The following DGKB variants were observed in gnomAD, a reference collection of about 807,000 sequenced individuals.
DGKB encodes 90 kDa diacylglycerol kinase.
DGKB carries 67 observed loss-of-function variants against 114.3 expected under a neutral mutation model. The ratio of observed to expected loss-of-function variants is 0.59; its 90% CI spans 0.48 to 0.72. The LOEUF is 0.72. DGKB is among the 30% of genes least tolerant of loss of function. The pLI, the probability that DGKB is intolerant of heterozygous loss-of-function variation, is 0.00. For synonymous variants in DGKB, 398 were observed against 323.1 expected, an observed-to-expected ratio of 1.23 and a Z score of -2.49; for missense variants, 907 against 975.2, an observed-to-expected ratio of 0.93 and a Z score of 0.93.
At chr7:14,581,437 T>A (rs1799917364) in intron 18 of DGKB, among the ~76,000 whole-genome samples, 2 of 152,224 alleles carry the variant, frequency 1.3e-5, no homozygotes, top group South Asian at 4.1e-4. Context: ...AACAATGTCC[T>A]TGACTTTTTC....
intron 2 of DGKB, among the ~76,000 whole-genome samples, chr7:14,840,058 T>C (rs1847709853): frequency 6.6e-6 from 1 of 152,184 alleles, no homozygotes; most frequent in Non-Finnish European, 1.5e-5. Context: ...ATCACATCTA[T>C]CTTCATGTTC....
At chr7:14,392,150 C>G (rs1489953357) in intron 21 of DGKB, among the ~76,000 whole-genome samples, 2 of 152,158 alleles carry the variant, frequency 1.3e-5, no homozygotes, top group Non-Finnish European at 2.9e-5. Flanking sequence ...TTCTTACCAA[C>G]TGACTTGGAG....
At chr7:14,662,411 A>C (rs1489292630) in intron 13 of DGKB, among the ~76,000 whole-genome samples, 1 of 151,950 alleles carries the variant, frequency 6.6e-6, no homozygotes, top group East Asian at 1.9e-4. Flanking sequence ...ATAGTACAGA[A>C]AGAATTAAAC....
chr7:14,244,956 C>T (rs960020418), intron 23 of DGKB, among the ~76,000 whole-genome samples: 1 of 152,102 alleles, frequency 6.6e-6, no homozygotes, highest in Non-Finnish European at 1.5e-5. Context: ...TAGACTAAGA[C>T]AGTAATGAAG....
At chr7:14,766,399 T>C (rs1292613375) in intron 2 of DGKB, among the ~76,000 whole-genome samples, 1 of 151,810 alleles carries the variant, frequency 6.6e-6, no homozygotes, top group Non-Finnish European at 1.5e-5. Flanking sequence ...ATTTCCTTAT[T>C]GATTGGATAT....
chr7:14,892,916 G>A (rs1014176346), intron 1 of DGKB, among the ~76,000 whole-genome samples: 8 of 147,796 alleles, frequency 5.4e-5, no homozygotes, highest in South Asian at 4.3e-4. Flanking sequence ...ATATATGTAC[G>A]CATATACATA....
intron 21 of DGKB, among the ~76,000 whole-genome samples, chr7:14,352,615 T>C (rs927064815): frequency 2.0e-5 from 3 of 152,154 alleles, no homozygotes; most frequent in Non-Finnish European, 4.4e-5. Context: ...ATGTTAAGAA[T>C]TGAATACATT....
chr7:14,420,569 A>G (rs1826496902), intron 21 of DGKB, among the ~76,000 whole-genome samples: 1 of 152,068 alleles, frequency 6.6e-6, no homozygotes, highest in South Asian at 2.1e-4. Context: ...ATAAATCATC[A>G]GAGTAGACTT....
chr7:14,899,500 G>A (rs1322913867), intron 1 of DGKB, among the ~76,000 whole-genome samples: 4 of 152,136 alleles, frequency 2.6e-5, no homozygotes, highest in Non-Finnish European at 5.9e-5. Context: ...TCAGGACAAA[G>A]AGTGTGGACA....
chr7:14,215,094 A>G (rs1305140528), intron 23 of DGKB, among the ~76,000 whole-genome samples: 4 of 152,190 alleles, frequency 2.6e-5, no homozygotes, highest in Non-Finnish European at 4.4e-5. Context: ...AAAAGCATGA[A>G]CGCAATGATT....
chr7:14,694,044 C>G (rs1478241172), intron 9 of DGKB, 31 bp downstream of exon 9: 1 of 1,557,876 alleles, frequency 6.4e-7, no homozygotes, highest in Non-Finnish European at 8.7e-7. Flanking sequence ...TGACTCACCA[C>G]CAGGCCACCC....
intron 21 of DGKB, among the ~76,000 whole-genome samples, chr7:14,449,022 T>C (rs147899832): frequency 0.011 from 1,708 of 152,186 alleles, 15 homozygotes; most frequent in Non-Finnish European, 0.018. Context: ...GATACAAGTG[T>C]CCTTAGGAAC....
intron 21 of DGKB, among the ~76,000 whole-genome samples, chr7:14,415,427 C>T (rs1352601976): frequency 2.6e-5 from 4 of 151,668 alleles, no homozygotes; most frequent in African/African-American, 4.8e-5. Flanking sequence ...CCACTCCCCC[C>T]ACCCCACAAC....
intron 2 of DGKB, among the ~76,000 whole-genome samples, chr7:14,815,929 A>C (rs1438760878): frequency 6.6e-6 from 1 of 152,192 alleles, no homozygotes; most frequent in East Asian, 1.9e-4. Context: ...TGAAGGAAGA[A>C]TATGCAGCTT....
intron 23 of DGKB, among the ~76,000 whole-genome samples, chr7:14,306,841 C>T (rs560870345): frequency 2.6e-5 from 4 of 152,136 alleles, no homozygotes; most frequent in Non-Finnish European, 4.4e-5. Context: ...TTTCATGCTA[C>T]GATGCTTTTG....
At chr7:14,197,275 T>C (rs996503570) in intron 23 of DGKB, among the ~76,000 whole-genome samples, 1 of 152,108 alleles carries the variant, frequency 6.6e-6, no homozygotes, top group Middle Eastern at 3.2e-3. Context: ...TTATTCTATT[T>C]AGTCGTATTC....
intron 23 of DGKB, among the ~76,000 whole-genome samples, chr7:14,323,345 A>G (rs1808151560): frequency 1.3e-5 from 2 of 152,166 alleles, no homozygotes; most frequent in African/African-American, 4.8e-5. Flanking sequence ...GAGAGTGGTT[A>G]CATAGGTGTA....
intron 23 of DGKB, among the ~76,000 whole-genome samples, chr7:14,327,652 C>A (rs1184088563): frequency 1.3e-5 from 2 of 152,010 alleles, no homozygotes; most frequent in Non-Finnish European, 2.9e-5. Context: ...AGAGCATTTT[C>A]CTACTTTTAG....
chr7:14,239,790 A>T (rs1793373060), intron 23 of DGKB, among the ~76,000 whole-genome samples: 1 of 152,038 alleles, frequency 6.6e-6, no homozygotes. Flanking sequence ...ATTTTAGATT[A>T]TGTTAGCATA....
Sources: allele counts gnomAD v4.1 joint callset (sites outside exome capture counted in the v4.1 genomes callset), GRCh38; gene constraint gnomAD v4.1.1; transcripts MANE v1.5; gene names NCBI Gene and HGNC (gene_info 2026-07-23, HGNC 2026-07-21).